The following ADGRD1 variants were observed in gnomAD, a reference collection of about 807,000 sequenced individuals.
The protein encoded by ADGRD1 is G-protein coupled receptor 133.
A neutral mutation model predicts 113.4 loss-of-function variants in ADGRD1; 77 were observed. That is an observed-to-expected ratio of 0.68 (90% CI 0.57 to 0.82). The LOEUF (loss-of-function observed/expected upper bound fraction) is 0.82, where lower values mean the gene tolerates loss of function less well. ADGRD1 is among the 40% of genes least tolerant of loss of function. ADGRD1 has a pLI of 0.00. For synonymous variants in ADGRD1, 474 were observed against 475.0 expected (o/e 1.00, Z 0.03); for missense variants, 1,036 against 1,139.1 (o/e 0.91, Z 1.30).
chr12:130,973,823 C>T (rs868832825), intron 4 of ADGRD1, among the ~76,000 whole-genome samples: 1 of 151,902 alleles, frequency 6.6e-6, no homozygotes, highest in East Asian at 1.9e-4. Flanking sequence ...TGCGGTGGCT[C>T]ACACCTGTAA....
At chr12:131,120,531 T>C (rs1050098620) in intron 19 of ADGRD1, among the ~76,000 whole-genome samples, 2 of 152,300 alleles carry the variant, frequency 1.3e-5, no homozygotes, top group South Asian at 2.1e-4. Flanking sequence ...TATTGGGTCA[T>C]ACTTGAAGTG....
chr12:131,108,666 GC>G, intron 17 of ADGRD1, 57 bp from the exon 18 acceptor site: 1 of 1,612,128 alleles, frequency 6.2e-7, no homozygotes, highest in Non-Finnish European at 8.5e-7. Context: ...TGGGATCATA[GC>G]CACGCCCAGG....
intron 22 of ADGRD1, among the ~76,000 whole-genome samples, 184 bp from the exon 23 acceptor site, chr12:131,136,789 G>A (rs894529497): frequency 1.3e-5 from 2 of 152,238 alleles, no homozygotes; most frequent in African/African-American, 4.8e-5. Context: ...GCAGCTGCCT[G>A]ATTCTAGGTT....
chr12:131,028,428 G>A (rs935698048), intron 13 of ADGRD1, among the ~76,000 whole-genome samples: 2 of 152,066 alleles, frequency 1.3e-5, no homozygotes, highest in Non-Finnish European at 2.9e-5. Flanking sequence ...TCTGCTGGTG[G>A]ACAGCAGTTT....
At chr12:131,073,018 T>C (rs1885303858) in intron 13 of ADGRD1, among the ~76,000 whole-genome samples, 1 of 152,236 alleles carries the variant, frequency 6.6e-6, no homozygotes, top group Non-Finnish European at 1.5e-5. Context: ...CCTGCTCTAC[T>C]GGGCCATCTG....
Position 130,976,225 on chromosome 12 carries a change from C to G in ADGRD1, c.310+4645C>G, listed in dbSNP as rs973843242. On this transcript the variant is annotated intron_variant, in intron 4 of 24. Transcript: ENST00000261654. Reference sequence around the variant, plus strand: ...CACGGGCCTGGCAGGGATCTAGCTACTCTCTTACTCAGGCGATCTGGGGTC... The same window carrying G: ...CACGGGCCTGGCAGGGATCTAGCTAGTCTCTTACTCAGGCGATCTGGGGTC... Among the ~76,000 whole-genome samples the G allele has an allele frequency of 1.3e-3, 19 of 14,808 alleles. No individual in the cohort carries two copies. In the Non-Finnish European group the frequency reaches 0.04, roughly 31 times the overall value. The allele number at this position is 14,808 out of a possible 152,430, so 9.7% of individuals were successfully genotyped here.
At chr12:131,098,544 A>G (rs1315670366) in intron 15 of ADGRD1, among the ~76,000 whole-genome samples, 1 of 152,166 alleles carries the variant, frequency 6.6e-6, no homozygotes, top group Non-Finnish European at 1.5e-5. Flanking sequence ...AGGCTCTAGA[A>G]ATCCATCAGA....
In ADGRD1 at chr12:130,987,252, G is replaced by C. The variant is rs1319401009; in HGVS notation, c.648G>C (p.Gln216His). 1 of 1,614,236 alleles carries C rather than the reference G, an allele frequency of 6.2e-7. No individual in the cohort carries two copies. Among genetic ancestry groups the C allele is most frequent in the African/African-American group, 1.3e-5 (1 of 75,062 alleles). Residue 216 changes from glutamine (Q) to histidine (H), a missense_variant, in exon 6 of 25, where the codon CAG becomes CAC. Gln to His is a conservative substitution (Grantham distance 24). Coordinates refer to ENST00000261654, the MANE Select transcript of ADGRD1 (RefSeq NM_198827.5). ...TCGTGATAGGGTCTGAGCAGGACCA[G>C]GCCAAGTGTTATGAGAACGGTGCTT... ...VNLVIGSEQD[Q>H]AKCYENGAFD...
chr12:131,128,671 G>C (rs1012528458), intron 20 of ADGRD1, among the ~76,000 whole-genome samples: 4 of 152,148 alleles, frequency 2.6e-5, no homozygotes, highest in Non-Finnish European at 5.9e-5. Flanking sequence ...CCGTGATGCT[G>C]GTTTCATGGG....
intron 13 of ADGRD1, 52 bp downstream of exon 13, chr12:131,014,392 TGA>T: frequency 6.5e-7 from 1 of 1,527,028 alleles, no homozygotes; most frequent in Non-Finnish European, 9.0e-7. Flanking sequence ...GGTTTCACAC[TGA>T]GGAATGCTGG....
chr12:130,982,547 CCTT>C (rs1288315310), intron 5 of ADGRD1, among the ~76,000 whole-genome samples: 1 of 152,156 alleles, frequency 6.6e-6, no homozygotes, highest in East Asian at 1.9e-4. Flanking sequence ...TCCTCTTCTT[CCTT>C]CTTCTTAGTG....
At chr12:131,094,707 C>T (rs1887157455) in intron 15 of ADGRD1, among the ~76,000 whole-genome samples, 1 of 152,246 alleles carries the variant, frequency 6.6e-6, no homozygotes, top group Non-Finnish European at 1.5e-5. Context: ...TCTGATTTCC[C>T]AGCCTGTGCA....
intron 13 of ADGRD1, among the ~76,000 whole-genome samples, chr12:131,014,734 T>C (rs1242226041): frequency 6.6e-6 from 1 of 152,214 alleles, no homozygotes; most frequent in Non-Finnish European, 1.5e-5. Flanking sequence ...GAGAGAAACA[T>C]GCTTCAGAGC....
At chr12:131,069,105 C>T (rs905434913) in intron 13 of ADGRD1, 3 of 152,250 alleles carry the variant, frequency 2.0e-5, no homozygotes, top group Non-Finnish European at 2.9e-5. Flanking sequence ...GATCGTCCCC[C>T]CGACCCTGAG....
At chr12:131,132,622 GCCCACGGGGGAGTCCCTGT>G (rs1950966424) in intron 21 of ADGRD1, among the ~76,000 whole-genome samples, 2 of 152,346 alleles carry the variant, frequency 1.3e-5, no homozygotes, top group South Asian at 4.1e-4. Flanking sequence ...AGGGGTTCAG[GCCCACGGGGGAGTCCCTGT>G]CCCACCTGCT....
At position 131,113,727 on chromosome 12, in the gene ADGRD1, C is replaced by T. The variant is rs1950397486; in HGVS notation, c.2042-4658C>T. On this transcript the variant is annotated intron_variant, in intron 18 of 24. Transcript: ENST00000261654. The surrounding 1 kb of genome is among the most constrained non-coding windows in gnomAD (Gnocchi z 4.9). ...GTCACCACGGACGTCCTCCGTCCTG[C>T]CTCACTGCTCATGCTGTATCATCAC... Among the ~76,000 whole-genome samples, 1 of 152,204 alleles carries T rather than the reference C, an allele frequency of 6.6e-6. No homozygotes were observed. The highest frequency in any genetic ancestry group is 2.1e-4 in the South Asian group (1 of 4,830).
intron 18 of ADGRD1, among the ~76,000 whole-genome samples, chr12:131,115,196 A>G (rs866904693): frequency 9.2e-5 from 14 of 152,156 alleles, no homozygotes; most frequent in East Asian, 5.8e-4. Context: ...CTACATGTCC[A>G]TGGTGGCCCG....
chr12:131,106,697 C>T (rs1950240698), intron 17 of ADGRD1, among the ~76,000 whole-genome samples: 2 of 152,156 alleles, frequency 1.3e-5, no homozygotes, highest in Non-Finnish European at 2.9e-5. Flanking sequence ...GCCCTTTGTC[C>T]CCATGCATGT....
At chr12:130,999,898 G>A (rs551254800) in intron 8 of ADGRD1, among the ~76,000 whole-genome samples, 2 of 152,202 alleles carry the variant, frequency 1.3e-5, no homozygotes, top group African/African-American at 2.4e-5. Flanking sequence ...ATAGTGAGCC[G>A]AACCAAACAT....
Sources: allele counts gnomAD v4.1 joint callset (sites outside exome capture counted in the v4.1 genomes callset), GRCh38; gene constraint gnomAD v4.1.1; non-coding constraint Gnocchi (gnomAD v3.1); transcripts MANE v1.5; gene names NCBI Gene and HGNC (gene_info 2026-07-23, HGNC 2026-07-21).